COLEC10: variants seen among roughly 807,000 people sequenced by gnomAD.
The protein encoded by COLEC10 is collectin-10.
COLEC10 carries 22 observed loss-of-function variants against 28.4 expected under a neutral mutation model. The ratio of observed to expected loss-of-function variants is 0.78; its 90% confidence interval spans 0.55 to 1.11. The LOEUF is 1.11. COLEC10 is among the 50% of genes least tolerant of loss of function. The probability of loss-of-function intolerance (pLI) is 0.00; values close to 1 mark genes in which losing one functional copy is unlikely to be tolerated. For missense variants in COLEC10, 361 were observed against 344.1 expected (o/e 1.05, Z -0.39); for synonymous variants, 125 against 116.1 (o/e 1.08, Z -0.49).
chr8:119,008,842 G>A lies in COLEC10; in HGVS notation n.123-599G>A, dbSNP rs141068425. Among the ~76,000 whole-genome samples the A allele has an allele frequency of 1.7e-4, 26 of 151,192 alleles. 3 individuals are homozygous for A. The highest frequency in any genetic ancestry group is 6.4e-4 in the African/African-American group (26 of 40,598). ...AAAATAGGGGTAACTACCCCCTCTT[G>A]AATTGTTGTTACAATTAAGTGAAAA... On this transcript the variant is annotated intron_variant and non_coding_transcript_variant, in intron 1 of 6. Transcript: ENST00000521788.
At chr8:119,101,566 G>A (rs561829510) in intron 3 of COLEC10, among the ~76,000 whole-genome samples, 1 of 152,196 alleles carries the variant, frequency 6.6e-6, no homozygotes, top group South Asian at 2.1e-4. Context: ...GAAGTACAGA[G>A]AGGGAAAGTA....
intron 3 of COLEC10, 91 bp downstream of exon 3, chr8:119,091,311 A>T: frequency 1.1e-6 from 1 of 920,490 alleles, no homozygotes; most frequent in Non-Finnish European, 1.7e-6. Flanking sequence ...ACACTCAGAG[A>T]CCGAGGTGGG....
intron 3 of COLEC10, among the ~76,000 whole-genome samples, chr8:119,096,334 G>C (rs758485284): frequency 2.0e-5 from 3 of 152,204 alleles, no homozygotes; most frequent in Non-Finnish European, 4.4e-5. Context: ...GCTGACGCCT[G>C]TACTCCCAGC....
intron 2 of COLEC10, among the ~76,000 whole-genome samples, chr8:119,037,538 C>T (rs2130143589): frequency 6.6e-6 from 1 of 152,260 alleles, no homozygotes; most frequent in African/African-American, 2.4e-5. Flanking sequence ...CATGAGATCC[C>T]AGCCCTAGAG....
At position 119,067,306 on chromosome 8, in the gene COLEC10, C is replaced by T. The variant is rs149010496; in HGVS notation, c.25C>T (p.Arg9Ter). MNGFASLL[R>*]RNQFILLVLF... ...AATGAATGGCTTTGCATCCTTGCTT[C>T]GAAGAAACCAATTTATCCTCCTGGT... is the stretch of plus-strand genomic sequence containing the variant. The change falls in exon 1 of 6, where the codon CGA (arginine) becomes TGA (stop). Residue 9 changes from arginine (R) to a stop codon, truncating the protein, a stop_gained. Coordinates refer to ENST00000332843, the MANE Select transcript of COLEC10 (RefSeq NM_006438.5). LOFTEE classifies it high-confidence loss of function. 2.3e-5 allele frequency: 37 copies of T among 1,613,726 alleles called. No individual in the cohort carries two copies. The highest frequency in any genetic ancestry group is 1.3e-4 in the South Asian group (12 of 91,070).
chr8:119,048,415 T>A (rs1814620221), intron 2 of COLEC10, among the ~76,000 whole-genome samples: 3 of 152,210 alleles, frequency 2.0e-5, no homozygotes, highest in African/African-American at 7.2e-5. Flanking sequence ...TTTTATGACT[T>A]GATAATCTAA....
chr8:119,027,164 T>C (rs994073627), intron 2 of COLEC10, among the ~76,000 whole-genome samples: 5 of 152,204 alleles, frequency 3.3e-5, no homozygotes, highest in Admixed American at 2.0e-4. Context: ...GTCTATCATA[T>C]AGTAAGTGCC....
the COLEC10 span, among the ~76,000 whole-genome samples, chr8:118,981,349 G>A: frequency 6.6e-6 from 1 of 151,970 alleles, no homozygotes; most frequent in Non-Finnish European, 1.5e-5. Context: ...TTTCAGTTAT[G>A]TTGCTTCCCT....
At chr8:119,008,686 A>G (rs922909843) in intron 1 of COLEC10, among the ~76,000 whole-genome samples, 2 of 150,630 alleles carry the variant, frequency 1.3e-5, no homozygotes, top group Non-Finnish European at 2.9e-5. Context: ...TAACACTCTG[A>G]CATACCTAGA....
intron 2 of COLEC10, among the ~76,000 whole-genome samples, chr8:119,039,535 A>C (rs1814455395): frequency 6.6e-6 from 1 of 152,180 alleles, no homozygotes; most frequent in Non-Finnish European, 1.5e-5. Flanking sequence ...TGAAACTCTG[A>C]AGACATAAGG....
intron 1 of COLEC10, among the ~76,000 whole-genome samples, chr8:119,001,483 A>G (rs1298380300): frequency 6.6e-6 from 1 of 152,190 alleles, no homozygotes; most frequent in African/African-American, 2.4e-5. Context: ...GAGGGGAGCC[A>G]GTAGTGATGC....
chr8:118,997,761 T>G (rs1354520484), intron 1 of COLEC10, among the ~76,000 whole-genome samples: 3 of 152,190 alleles, frequency 2.0e-5, no homozygotes, highest in African/African-American at 7.2e-5. Context: ...TTGGGTGTCT[T>G]CTGCATTACT....
At chr8:118,957,943 G>C in the COLEC10 span, among the ~76,000 whole-genome samples, 1 of 152,134 alleles carries the variant, frequency 6.6e-6, no homozygotes, top group South Asian at 2.1e-4. Flanking sequence ...GAAGTCAATT[G>C]CCTGCCTGGA....
In COLEC10 at chr8:119,020,678, A is replaced by G. The variant is rs115344782; in HGVS notation, n.235+11125A>G. On this transcript the variant is annotated intron_variant and non_coding_transcript_variant, in intron 2 of 6. Coordinates refer to the COLEC10 transcript ENST00000521788. ...ACCTGGTATTATCATGGACACAAAT[A>G]TCAGTGTGACAGTAAAGATTCCACT... Among the ~76,000 whole-genome samples the G allele has an allele frequency of 4.9e-3, 749 of 152,310 alleles. 11 individuals carry two copies. Among genetic ancestry groups the G allele is most frequent in the African/African-American group, 0.017 (719 of 41,562 alleles).
intron 1 of COLEC10, among the ~76,000 whole-genome samples, chr8:119,085,008 G>A (rs1163147374): frequency 2.6e-5 from 4 of 152,198 alleles, no homozygotes; most frequent in Admixed American, 2.0e-4. Flanking sequence ...GACAGGCATG[G>A]TGTTGAACAC....
chr8:119,014,500 T>C (rs1813954352), intron 2 of COLEC10, among the ~76,000 whole-genome samples: 1 of 150,666 alleles, frequency 6.6e-6, no homozygotes, highest in South Asian at 2.1e-4. Flanking sequence ...TTTTTCTTCA[T>C]CTTTTATTGT....
intron 2 of COLEC10, among the ~76,000 whole-genome samples, chr8:119,041,219 G>C (rs928857188): frequency 2.0e-5 from 3 of 152,104 alleles, no homozygotes; most frequent in Non-Finnish European, 2.9e-5. Flanking sequence ...ACTGCCTAAT[G>C]CTGGCTCTTG....
intron 1 of COLEC10, 21 bp from the exon 2 acceptor site, chr8:119,089,659 T>C: frequency 1.3e-6 from 2 of 1,596,842 alleles, no homozygotes; most frequent in Non-Finnish European, 1.7e-6. Flanking sequence ...CTTCACTCTA[T>C]CTCATTTTCT....
the COLEC10 span, among the ~76,000 whole-genome samples, chr8:118,980,267 T>C: frequency 6.6e-6 from 1 of 151,026 alleles, no homozygotes; most frequent in Non-Finnish European, 1.5e-5. Flanking sequence ...CGGGGCCATC[T>C]CAGCTCACTG....
Sources: allele counts gnomAD v4.1 joint callset (sites outside exome capture counted in the v4.1 genomes callset), GRCh38; gene constraint gnomAD v4.1.1; transcripts MANE v1.5; gene names NCBI Gene and HGNC (gene_info 2026-07-23, HGNC 2026-07-21).